COQ4: variants seen among roughly 807,000 people sequenced by gnomAD.
The protein encoded by COQ4 is ubiquinone biosynthesis protein COQ4 homolog, mitochondrial.
A neutral mutation model predicts 30.2 loss-of-function variants in COQ4; 36 were observed. The observed-to-expected ratio is 1.19, with a 90% confidence interval of 0.91 to 1.57. COQ4 has a LOEUF of 1.57. COQ4 is among the 40% of genes most tolerant of loss of function. COQ4 has a pLI of 0.00. For missense variants in COQ4, 369 were observed against 371.9 expected, an observed-to-expected ratio of 0.99 and a Z score of 0.07; for synonymous variants, 197 against 161.0, an observed-to-expected ratio of 1.22 and a Z score of -1.69.
intron 2 of COQ4, 126 bp from the exon 3 acceptor site, chr9:128,325,017 T>C (rs991344696): frequency 1.4e-5 from 9 of 650,388 alleles, no homozygotes; most frequent in Non-Finnish European, 2.5e-5. Context: ...GTGTTTAGCC[T>C]GAATCCTTAT....
At chr9:128,326,167 A>G (rs1202220400) in intron 4 of COQ4, 3 of 565,788 alleles carry the variant, frequency 5.3e-6, no homozygotes, top group Non-Finnish European at 6.2e-6. Context: ...AGTATGTTCT[A>G]TTATTATCCT....
chr9:128,329,947 A>T (rs1832378362), intron 4 of COQ4, among the ~76,000 whole-genome samples: 1 of 152,182 alleles, frequency 6.6e-6, no homozygotes, highest in South Asian at 2.1e-4. Flanking sequence ...CTGGCCTTTT[A>T]TTCATATGTT....
At chr9:128,330,957 C>G (rs1832398402) in intron 4 of COQ4, 1 of 152,140 alleles carries the variant, frequency 6.6e-6, no homozygotes, top group African/African-American at 2.4e-5. Context: ...CCTGCCTCAG[C>G]CTCCCGAGTA....
chr9:128,329,207 A>G (rs1386592289), intron 4 of COQ4, among the ~76,000 whole-genome samples: 5 of 152,088 alleles, frequency 3.3e-5, no homozygotes. Flanking sequence ...CATCAGAAGT[A>G]AGAGGACCTC....
At chr9:128,323,169 C>G (rs1832244463) in intron 2 of COQ4, 22 bp downstream of exon 2, 1 of 1,568,146 alleles carries the variant, frequency 6.4e-7, no homozygotes, top group African/African-American at 1.4e-5. Flanking sequence ...CGCGCCTCGC[C>G]CCCGTGGGGG....
rs754359571 is a variant in COQ4 at position 128,323,007 on chromosome 9, G to T, written c.71-9G>T. 8 of 1,611,060 alleles carry T rather than the reference G, an allele frequency of 5.0e-6. No individual in the cohort carries two copies. The highest frequency in any genetic ancestry group is 6.8e-6 in the Non-Finnish European group (8 of 1,179,754). ...CTCCTCTGACCTCGGCCTTTTTCTT[G>T]CCCCGCAGAAATGCCCCTCCGGGCT... On this transcript the variant is annotated splice_polypyrimidine_tract_variant and intron_variant, in intron 1 of 6. Transcript: ENST00000300452.
intron 2 of COQ4, among the ~76,000 whole-genome samples, chr9:128,323,961 A>G (rs1336479039): frequency 6.6e-6 from 1 of 152,070 alleles, no homozygotes; most frequent in Non-Finnish European, 1.5e-5. Context: ...AAAATACACT[A>G]TATCTCCATG....
Position 128,322,843 on chromosome 9 carries a change from G to A in COQ4, c.-16G>A, listed in dbSNP as rs776440864. On this transcript the variant is annotated 5_prime_UTR_variant, in exon 1 of 7. Transcript: ENST00000300452. Reference sequence around the variant, plus strand: ...CGTTCTTCGTACCCGCCCATCCTCCGCGGACGCCCGCTGCCATGGCGACTC... The same window carrying A: ...CGTTCTTCGTACCCGCCCATCCTCCACGGACGCCCGCTGCCATGGCGACTC... 5 of 1,537,750 alleles carry A rather than the reference G, an allele frequency of 3.3e-6. No homozygotes were observed. In the South Asian group the frequency reaches 5.9e-5, roughly 18 times the overall value.
intron 4 of COQ4, among the ~76,000 whole-genome samples, chr9:128,327,833 T>C (rs558708702): frequency 6.6e-6 from 1 of 152,226 alleles, no homozygotes; most frequent in Non-Finnish European, 1.5e-5. Context: ...AGCACTATTG[T>C]CAGCAGTTGG....
intron 2 of COQ4, among the ~76,000 whole-genome samples, chr9:128,324,189 G>A (rs1013472683): frequency 6.6e-6 from 1 of 152,078 alleles, no homozygotes; most frequent in Admixed American, 6.6e-5. Context: ...ATGTTGCCCA[G>A]GCTGGTCTCA....
At position 128,333,683 on chromosome 9, in the gene COQ4, C is replaced by A. The variant is rs370347021; in HGVS notation, c.*38C>A. On this transcript the variant is annotated 3_prime_UTR_variant, in exon 7 of 7. Transcript: ENST00000300452. Reference sequence around the variant, plus strand: ...GCGGGGCCTGGCCTACCTCCCCCATCCCCTGCTTCCCTTGGAGGCAGAGGG... The same window carrying A: ...GCGGGGCCTGGCCTACCTCCCCCATACCCTGCTTCCCTTGGAGGCAGAGGG... The A allele has an allele frequency of 1.6e-5, 24 of 1,478,642 alleles. No individual in the cohort carries two copies. Among genetic ancestry groups the A allele is most frequent in the Non-Finnish European group, 2.1e-5 (24 of 1,118,612 alleles). 91.6% of individuals were successfully genotyped at this position (1,478,642 alleles called of 1,614,324 possible).
intron 2 of COQ4, among the ~76,000 whole-genome samples, chr9:128,323,828 C>G (rs991932569): frequency 6.6e-6 from 1 of 152,152 alleles, no homozygotes; most frequent in South Asian, 2.1e-4. Context: ...TGGTTGCATG[C>G]GGCTGTATTC....
chr9:128,333,021 A>G, intron 6 of COQ4, 78 bp downstream of exon 6: 1 of 1,064,558 alleles, frequency 9.4e-7, no homozygotes, highest in South Asian at 1.3e-5. Flanking sequence ...GGCTCTTAGA[A>G]GTAGGAAGAG....
chr9:128,327,513 C>T (rs1410043971), intron 4 of COQ4, among the ~76,000 whole-genome samples: 2 of 151,954 alleles, frequency 1.3e-5, no homozygotes, highest in Non-Finnish European at 2.9e-5. Context: ...AATATTCTGG[C>T]ACTGGTCCAT....
chr9:128,325,007 GTGT>G, intron 2 of COQ4, 133 bp from the exon 3 acceptor site: 1 of 621,040 alleles, frequency 1.6e-6, no homozygotes, highest in Non-Finnish European at 2.9e-6. Flanking sequence ...AATTTGCTAA[GTGT>G]TTAGCCTGAA....
rs1333553542 is a variant in COQ4 at position 128,325,859 on chromosome 9, A to G, written c.380A>G (p.Tyr127Cys). Residue 127 changes from tyrosine (Y) to cysteine (C), a missense_variant, in exon 4 of 7, where the codon TAT (tyrosine) becomes TGT (cysteine). Coordinates refer to ENST00000300452, the MANE Select transcript of COQ4 (RefSeq NM_016035.5). ...SLPEGSLGREYLRFLDVNRVS... is the reference protein window; with the variant it reads ...SLPEGSLGRECLRFLDVNRVS... ...CCGGAAGGCTCCCTCGGTCGCGAGT[A>G]TCTCCGTTTCCTGGATGTGAACGTG... is the stretch of plus-strand genomic sequence containing the variant. 1.2e-6 allele frequency: 2 copies of G among 1,614,150 alleles called. No individual in the cohort carries two copies. The highest frequency in any genetic ancestry group is 3.3e-5 in the Admixed American group (2 of 60,012).
At position 128,329,169 on chromosome 9, in the gene COQ4, C is replaced by G. The variant is rs553413649; in HGVS notation, c.403-2984C>G. On this transcript the variant is annotated intron_variant, in intron 4 of 6. Coordinates refer to ENST00000300452, the MANE Select transcript of COQ4 (RefSeq NM_016035.5). ...CCAGCTTTACAAGCCTGGACAAATCCTTTGACCTCGCTGAGTCTCAGGTTC... is the reference window on the plus strand; with the variant it reads ...CCAGCTTTACAAGCCTGGACAAATCGTTTGACCTCGCTGAGTCTCAGGTTC... 2.6e-5 allele frequency among the ~76,000 whole-genome samples: 4 copies of G among 152,230 alleles called. No homozygotes were observed. The East Asian group carries it at 7.7e-4, about 29-fold the overall frequency.
At chr9:128,325,366 G>C in intron 3 of COQ4, 127 bp downstream of exon 3, 1 of 673,744 alleles carries the variant, frequency 1.5e-6, no homozygotes, top group Non-Finnish European at 2.6e-6. Flanking sequence ...TGGTTGCACA[G>C]GCTGGGCACT....
intron 2 of COQ4, among the ~76,000 whole-genome samples, chr9:128,324,740 C>A (rs762458326): frequency 1.3e-5 from 2 of 152,024 alleles, no homozygotes; most frequent in Non-Finnish European, 2.9e-5. Context: ...CAGAGCAAGA[C>A]CCTGTCTCAA....
Sources: allele counts gnomAD v4.1 joint callset (sites outside exome capture counted in the v4.1 genomes callset), GRCh38; gene constraint gnomAD v4.1.1; transcripts MANE v1.5; gene names NCBI Gene and HGNC (gene_info 2026-07-23, HGNC 2026-07-21).